PLCL2: variants seen among roughly 807,000 people sequenced by gnomAD.
The protein encoded by PLCL2 is phospholipase C like 2.
PLCL2 carries 4 observed loss-of-function variants against 79.6 expected under a neutral mutation model. That is an observed-to-expected ratio of 0.05 (90% confidence interval 0.02 to 0.11). The LOEUF (loss-of-function observed/expected upper bound fraction) is 0.11. Ranked by LOEUF, PLCL2 falls within the 10% of genes least tolerant of loss-of-function variation. The pLI, the probability that PLCL2 is intolerant of heterozygous loss-of-function variation, is 1.00. For synonymous variants in PLCL2, 484 were observed against 457.7 expected (o/e 1.06, Z -0.73); for missense variants, 895 against 1,291.0 (o/e 0.69, Z 4.70).
chr3:16,956,512 A>C (rs1030238087), intron 1 of PLCL2, among the ~76,000 whole-genome samples: 1 of 152,124 alleles, frequency 6.6e-6, no homozygotes, highest in Admixed American at 6.6e-5. Context: ...TGTCTCTGCC[A>C]GGCTTTGGTA....
In PLCL2 at chr3:17,042,564, C is replaced by T. The variant is rs1267404651; in HGVS notation, c.3019-310C>T. Among the ~76,000 whole-genome samples, 4 of 152,112 alleles carry T rather than the reference C, an allele frequency of 2.6e-5. No homozygotes were observed. In the East Asian group the frequency reaches 5.8e-4, roughly 22 times the overall value. On this transcript the variant is annotated intron_variant, in intron 3 of 5. Transcript: ENST00000615277. The stretch of plus-strand genomic sequence containing the variant: ...TTTTAAAACTCAGATCAGATTTGCA[C>T]GCATATTTGTAGCTTTTCACGCTGA...
intron 1 of PLCL2, among the ~76,000 whole-genome samples, chr3:16,993,643 C>G (rs1431919640): frequency 6.6e-6 from 1 of 152,152 alleles, no homozygotes; most frequent in Non-Finnish European, 1.5e-5. Flanking sequence ...GTTTTTATTT[C>G]TGGATAACTT....
intron 1 of PLCL2, among the ~76,000 whole-genome samples, chr3:16,931,726 A>T (rs985535426): frequency 6.6e-6 from 1 of 152,146 alleles, no homozygotes; most frequent in East Asian, 1.9e-4. Flanking sequence ...CTCCCTTGCA[A>T]TGAGAATAAC....
chr3:17,005,234 A>G lies in PLCL2; in HGVS notation c.328-4440A>G, dbSNP rs916398623. On this transcript the variant is annotated intron_variant, in intron 1 of 5. Coordinates refer to ENST00000615277, the MANE Select transcript of PLCL2 (RefSeq NM_001144382.2). ...ATTTTCTTCCAGCAGGGCATTAACT[A>G]TCTGTGTGCCCTTAGACAAGACTGC... Among the ~76,000 whole-genome samples, 6 of 152,170 alleles carry G rather than the reference A, an allele frequency of 3.9e-5. 1 individual carries two copies. Among genetic ancestry groups the G allele is most frequent in the Admixed American group, 3.9e-4 (6 of 15,278 alleles).
intron 2 of PLCL2, among the ~76,000 whole-genome samples, chr3:17,012,987 C>G (rs1178914866): frequency 6.6e-6 from 1 of 152,196 alleles, no homozygotes; most frequent in East Asian, 1.9e-4. Context: ...CAAATAAAAT[C>G]TGACTGAGAA....
chr3:16,949,146 A>G (rs1178389788), intron 1 of PLCL2, among the ~76,000 whole-genome samples: 1 of 152,334 alleles, frequency 6.6e-6, no homozygotes, highest in Non-Finnish European at 1.5e-5. Context: ...GTAGAATCCT[A>G]GTACATGACT....
At chr3:17,016,854 CT>C (rs1481134056) in intron 3 of PLCL2, among the ~76,000 whole-genome samples, 4 of 152,208 alleles carry the variant, frequency 2.6e-5, no homozygotes, top group African/African-American at 7.2e-5. Context: ...GATTTACCCC[CT>C]AAGACATTTG....
intron 1 of PLCL2, among the ~76,000 whole-genome samples, chr3:16,894,740 G>A (rs2124916450): frequency 6.6e-6 from 1 of 151,850 alleles, no homozygotes; most frequent in East Asian, 1.9e-4. Flanking sequence ...TTGGCCATTT[G>A]GATATTCTCT....
intron 3 of PLCL2, among the ~76,000 whole-genome samples, chr3:17,026,721 G>A (rs7634374): frequency 0.18 from 27,557 of 151,956 alleles, 3,047 homozygotes; most frequent in East Asian, 0.54. Flanking sequence ...TCACAAATTA[G>A]CCAGGCATGA....
At chr3:16,892,361 T>G (rs984566524) in intron 1 of PLCL2, among the ~76,000 whole-genome samples, 2 of 152,194 alleles carry the variant, frequency 1.3e-5, no homozygotes, top group African/African-American at 4.8e-5. Context: ...CCTTTGAAAT[T>G]TTCTTTTGAT....
chr3:17,005,149 C>A (rs1358943984), intron 1 of PLCL2, among the ~76,000 whole-genome samples: 1 of 152,030 alleles, frequency 6.6e-6, no homozygotes, highest in Admixed American at 6.6e-5. Flanking sequence ...GCTTGAAAGA[C>A]AGGAGTCTTT....
chr3:17,012,005 G>A lies in PLCL2; in HGVS notation c.2659G>A (p.Gly887Arg). ...HVAITNRRGG[G>R]KPHKRGLSVR... ...GGCTATTACTAACCGAAGAGGAGGA[G>A]GAAAGCCTCATAAAAGGGGCCTTTC... The change falls in exon 2 of 6, where the codon GGA (glycine) becomes AGA (arginine). Residue 887 changes from glycine (G) to arginine (R), a missense_variant. By Grantham distance (125) the Gly-to-Arg change is moderately radical. Transcript: ENST00000615277. 6.2e-7 allele frequency: 1 copy of A among 1,614,138 alleles called. No homozygotes were observed. The highest frequency in any genetic ancestry group is 8.5e-7 in the Non-Finnish European group (1 of 1,180,002).
intron 1 of PLCL2, among the ~76,000 whole-genome samples, chr3:16,936,839 T>C (rs986821262): frequency 6.6e-6 from 1 of 152,224 alleles, no homozygotes; most frequent in African/African-American, 2.4e-5. Context: ...TTCTTTTTTT[T>C]CTTCATGACA....
intron 1 of PLCL2, among the ~76,000 whole-genome samples, chr3:16,895,067 T>C (rs1381269643): frequency 6.6e-6 from 1 of 151,990 alleles, no homozygotes; most frequent in East Asian, 1.9e-4. Flanking sequence ...AACACGTATC[T>C]ATATAGATAT....
At chr3:16,957,093 C>A (rs2063712649) in intron 1 of PLCL2, among the ~76,000 whole-genome samples, 1 of 152,080 alleles carries the variant, frequency 6.6e-6, no homozygotes, top group East Asian at 1.9e-4. Context: ...TTTGCTGTTG[C>A]TTTTCTAGTT....
At chr3:17,016,482 A>G (rs2064385340) in intron 3 of PLCL2, among the ~76,000 whole-genome samples, 1 of 152,184 alleles carries the variant, frequency 6.6e-6, no homozygotes, top group African/African-American at 2.4e-5. Context: ...GGCCAGGGTC[A>G]GGTGTCTGAT....
chr3:17,078,586 G>A (rs1250412802), intron 5 of PLCL2, among the ~76,000 whole-genome samples: 2 of 152,084 alleles, frequency 1.3e-5, no homozygotes, highest in Admixed American at 1.3e-4. Flanking sequence ...CAGAAACAAG[G>A]CTATCAATAA....
chr3:16,980,045 G>C (rs2063967920), intron 1 of PLCL2, among the ~76,000 whole-genome samples: 1 of 144,042 alleles, frequency 6.9e-6, no homozygotes, highest in South Asian at 2.3e-4. Context: ...GGGGCGGCCG[G>C]GCAGAGGTGC....
chr3:17,086,423 A>G (rs970256750), intron 5 of PLCL2, among the ~76,000 whole-genome samples: 2 of 152,244 alleles, frequency 1.3e-5, no homozygotes, highest in Non-Finnish European at 2.9e-5. Context: ...CACCCTTCAC[A>G]AGAATTAACT....
Sources: allele counts gnomAD v4.1 joint callset (sites outside exome capture counted in the v4.1 genomes callset), GRCh38; gene constraint gnomAD v4.1.1; transcripts MANE v1.5; gene names NCBI Gene and HGNC (gene_info 2026-07-23, HGNC 2026-07-21).